Variants in SEC31A observed in about 807,000 individuals in gnomAD.
SEC31A encodes protein transport protein Sec31A.
Under a neutral mutation model 151.0 loss-of-function variants are expected in SEC31A, and 70 were observed. That is an observed-to-expected ratio of 0.46 (90% CI 0.38 to 0.57). The LOEUF (loss-of-function observed/expected upper bound fraction) is 0.57. SEC31A is among the 20% of genes least tolerant of loss of function. The pLI is 0.00. For missense variants in SEC31A, 1,330 were observed against 1,471.2 expected (o/e 0.90, Z 1.57); for synonymous variants, 475 against 505.9 (o/e 0.94, Z 0.82).
Position 82,818,914 on chromosome 4 carries a change from AGC to A in SEC31A, c.*158_*159del, listed in dbSNP as rs1722757775. 1 of 447,268 alleles carries A rather than the reference AGC, an allele frequency of 2.2e-6. No homozygotes were observed. Among genetic ancestry groups the A allele is most frequent in the Middle Eastern group, 4.4e-4 (1 of 2,280 alleles). The allele number at this position is 447,268 out of a possible 1,614,324, so 27.7% of individuals were successfully genotyped here. ...ACAAAAATAAAGCACCAGGGTTCTG[AGC>A]AGTTCTAAGGTGAGTATATCAGCAG... On this transcript the variant is annotated 3_prime_UTR_variant, in exon 27 of 27. Coordinates refer to ENST00000395310, the MANE Select transcript of SEC31A (RefSeq NM_001077207.4).
intron 17 of SEC31A, among the ~76,000 whole-genome samples, 159 bp from the exon 18 acceptor site, chr4:82,853,874 T>C (rs2149382641): frequency 6.6e-6 from 1 of 152,344 alleles, no homozygotes; most frequent in African/African-American, 2.4e-5. Flanking sequence ...TAAATATGCA[T>C]TTGTTAAATG....
chr4:82,874,480 A>G (rs1024401081), intron 6 of SEC31A, 131 bp downstream of exon 6: 3 of 858,942 alleles, frequency 3.5e-6, no homozygotes, highest in Non-Finnish European at 5.2e-6. Flanking sequence ...ATTCCTTCTA[A>G]CATGACTGAT....
At chr4:82,872,178 G>T in intron 6 of SEC31A, 92 bp from the exon 7 acceptor site, 1 of 942,960 alleles carries the variant, frequency 1.1e-6, no homozygotes, top group Non-Finnish European at 1.6e-6. Flanking sequence ...GAAACAAATA[G>T]TGAAAAACAT....
intron 9 of SEC31A, 77 bp from the exon 10 acceptor site, chr4:82,867,037 T>G (rs1735569215): frequency 6.4e-7 from 1 of 1,562,110 alleles, no homozygotes; most frequent in Admixed American, 1.9e-5. Flanking sequence ...CCAAAAAAAT[T>G]TTTGATCACA....
In SEC31A at chr4:82,827,502, G is replaced by A. The variant is rs1237446789; in HGVS notation, c.3158C>T (p.Pro1053Leu). ...CTGGCCACCTGGAAGATGTGGCTGTGGGAATGAAGACTGGCTTGACAGTGG... is the reference window on the plus strand; with the variant it reads ...CTGGCCACCTGGAAGATGTGGCTGTAGGAATGAAGACTGGCTTGACAGTGG... ...PVPLSSQSSF[P>L]QPHLPGGQPF... The change falls in exon 24 of 27, where the codon CCA becomes CTA. Residue 1053 changes from proline (P) to leucine (L), a missense_variant. Coordinates refer to ENST00000395310, the MANE Select transcript of SEC31A (RefSeq NM_001077207.4). 1 of 1,614,102 alleles carries A rather than the reference G, an allele frequency of 6.2e-7. No individual in the cohort carries two copies. Among genetic ancestry groups the A allele is most frequent in the Non-Finnish European group, 8.5e-7 (1 of 1,180,044 alleles).
Position 82,889,796 on chromosome 4 carries a change from G to T in SEC31A, c.-5+1292C>A, listed in dbSNP as rs562822148. 7.7e-4 allele frequency among the ~76,000 whole-genome samples: 117 copies of T among 152,078 alleles called. 2 individuals carry two copies. The highest frequency in any genetic ancestry group is 1.3e-3 in the Non-Finnish European group (88 of 68,024). On this transcript the variant is annotated intron_variant, in intron 1 of 26. Transcript: ENST00000395310. ...AATTTCAAATTTCACAAATAACCGC[G>T]GACGTATTTAAGATAAAATCACTAC...
chr4:82,880,229 C>A (rs906808806), intron 3 of SEC31A, among the ~76,000 whole-genome samples: 22 of 151,508 alleles, frequency 1.5e-4, no homozygotes, highest in African/African-American at 4.8e-4. Context: ...ACCAAAAAAA[C>A]AGAAAAAAAT....
At chr4:82,855,524 G>A (rs1732438626) in intron 16 of SEC31A, among the ~76,000 whole-genome samples, 1 of 151,890 alleles carries the variant, frequency 6.6e-6, no homozygotes, top group African/African-American at 2.4e-5. Flanking sequence ...GAGGCTAATG[G>A]GACTCAATAC....
At chr4:82,834,328 C>T (rs77856124) in intron 22 of SEC31A, among the ~76,000 whole-genome samples, 3,247 of 152,314 alleles carry the variant, frequency 0.021, 123 homozygotes, top group African/African-American at 0.074. Context: ...TCCTCTTCCC[C>T]TTCCTCATGA....
intron 1 of SEC31A, among the ~76,000 whole-genome samples, chr4:82,885,027 T>C (rs1443094323): frequency 6.6e-6 from 1 of 152,218 alleles, no homozygotes; most frequent in African/African-American, 2.4e-5. Context: ...ATGTTCAAAT[T>C]CACTGTCAAA....
intron 16 of SEC31A, among the ~76,000 whole-genome samples, chr4:82,856,250 A>C (rs1732617342): frequency 6.6e-6 from 1 of 151,818 alleles, no homozygotes; most frequent in African/African-American, 2.4e-5. Context: ...TCCAAGGTTC[A>C]AGCGATTCTC....
Position 82,881,915 on chromosome 4 carries a change from G to A in SEC31A, c.22C>T (p.Arg8Cys), listed in dbSNP as rs1184794553. The A allele has an allele frequency of 1.2e-6, 2 of 1,614,044 alleles. No homozygotes were observed. Among genetic ancestry groups the A allele is most frequent in the Non-Finnish European group, 8.5e-7 (1 of 1,179,894 alleles). The change falls in exon 2 of 27, where the codon CGT (arginine) becomes TGT (cysteine). Residue 8 changes from arginine (R) to cysteine (C), a missense_variant. Transcript: ENST00000395310. ...GGGCTCCATGCCTGCATGGCTGTAC[G>A]ATCTACTTCCTTTAACTTCATCCTG... is the stretch of plus-strand genomic sequence containing the variant. Reference protein sequence around the residue: MKLKEVDRTAMQAWSPAQ... With the variant: MKLKEVDCTAMQAWSPAQ...
chr4:82,838,336 A>G (rs1289751413), intron 22 of SEC31A, among the ~76,000 whole-genome samples: 1 of 152,184 alleles, frequency 6.6e-6, no homozygotes, highest in Admixed American at 6.5e-5. Flanking sequence ...TCCTAGAAAC[A>G]GAAACAAAAG....
intron 14 of SEC31A, among the ~76,000 whole-genome samples, chr4:82,859,105 T>G (rs1385804617): frequency 6.6e-6 from 1 of 152,170 alleles, no homozygotes; most frequent in African/African-American, 2.4e-5. Flanking sequence ...AGTGTTTTTG[T>G]TTTTAACTGA....
chr4:82,855,400 A>G (rs1732409062), intron 16 of SEC31A, among the ~76,000 whole-genome samples: 1 of 152,234 alleles, frequency 6.6e-6, no homozygotes, highest in Admixed American at 6.5e-5. Flanking sequence ...CTTCCAGGCC[A>G]AGGGAACGAC....
At chr4:82,862,208 C>T (rs1484805315) in intron 13 of SEC31A, among the ~76,000 whole-genome samples, 4 of 148,436 alleles carry the variant, frequency 2.7e-5, no homozygotes, top group East Asian at 2.0e-4. Flanking sequence ...CCAACACACC[C>T]GGCCCACTTT....
chr4:82,834,785 G>A (rs1200766009), intron 22 of SEC31A, among the ~76,000 whole-genome samples: 1 of 151,620 alleles, frequency 6.6e-6, no homozygotes, highest in Admixed American at 6.6e-5. Flanking sequence ...AATCCTTTTT[G>A]CTTTTATAGA....
At chr4:82,890,777 C>A in intron 1 of SEC31A, 1 of 1,263,088 alleles carries the variant, frequency 7.9e-7, no homozygotes, top group Non-Finnish European at 1.0e-6. Context: ...GTCTGAAAGT[C>A]TCCTAATCTC....
intron 22 of SEC31A, among the ~76,000 whole-genome samples, chr4:82,839,921 C>G (rs1329021453): frequency 2.6e-5 from 4 of 152,184 alleles, no homozygotes; most frequent in Non-Finnish European, 1.5e-5. Context: ...TCTATGCAAA[C>G]ATTTAATTTA....
Sources: gnomAD v4.1 joint callset for allele counts (sites outside exome capture counted in the v4.1 genomes callset) on GRCh38, gnomAD v4.1.1 for gene constraint, MANE v1.5 for transcripts, NCBI Gene and HGNC (gene_info 2026-07-23, HGNC 2026-07-21) for gene names.